Variants in ADAMTS18 observed in about 807,000 individuals in gnomAD.
ADAMTS18 encodes the protein ADAM metallopeptidase with thrombospondin type 1 motif 18, also known as A disintegrin and metalloproteinase with thrombospondin motifs 18.
ADAMTS18 carries 157 observed loss-of-function variants against 165.9 expected under a neutral mutation model. The ratio of observed to expected loss-of-function variants is 0.95; its 90% CI spans 0.83 to 1.08. ADAMTS18 has a LOEUF of 1.08. Among genes scored for constraint, ADAMTS18 ranks in the 50% least tolerant of loss-of-function variants. ADAMTS18 has a pLI of 0.00. For missense variants in ADAMTS18, 2,040 were observed against 1,534.0 expected (o/e 1.33, Z -5.51); for synonymous variants, 782 against 578.2 (o/e 1.35, Z -5.06).
chr16:77,302,174 AT>A (rs1473469841), intron 16 of ADAMTS18, among the ~76,000 whole-genome samples: 1 of 152,082 alleles, frequency 6.6e-6, no homozygotes, highest in African/African-American at 2.4e-5. Flanking sequence ...GTTTCTGTTA[AT>A]GTTTTCATCT....
At chr16:77,341,636 TACAA>T in intron 11 of ADAMTS18, 64 bp downstream of exon 11, 1 of 1,286,802 alleles carries the variant, frequency 7.8e-7, no homozygotes. Flanking sequence ...AAGGTCACAA[TACAA>T]ACAGTTTGAA....
Position 77,353,852 on chromosome 16 carries a change from T to G in ADAMTS18, c.1495A>C (p.Lys499Gln). ...GGATATTTATACTGTCCTGCTTGCTTGGGCTCATCCACTAGACACCCCGCC... is the reference window on the plus strand; with the variant it reads ...GGATATTTATACTGTCCTGCTTGCTGGGGCTCATCCACTAGACACCCCGCC... ...PQAGCLVDEP[K>Q]QAGQYKYPDK... The change falls in exon 10 of 23, where the codon AAG becomes CAG. Residue 499 changes from lysine to glutamine, a missense_variant. Coordinates refer to ENST00000282849, the MANE Select transcript of ADAMTS18 (RefSeq NM_199355.4). 1 of 1,614,178 alleles carries G rather than the reference T, an allele frequency of 6.2e-7. No individual in the cohort carries two copies. Among genetic ancestry groups the G allele is most frequent in the South Asian group, 1.1e-5 (1 of 91,084 alleles).
At chr16:77,284,735 C>T (rs1000501665) in intron 22 of ADAMTS18, among the ~76,000 whole-genome samples, 3 of 152,134 alleles carry the variant, frequency 2.0e-5, no homozygotes, top group Non-Finnish European at 2.9e-5. Context: ...GGGAAATACC[C>T]TAAAATGGTG....
chr16:77,290,497 G>A (rs1293869050), intron 21 of ADAMTS18: 1 of 152,260 alleles, frequency 6.6e-6, no homozygotes, highest in Non-Finnish European at 1.5e-5. Flanking sequence ...AGAAAATCAG[G>A]CTAATTTCCT....
chr16:77,318,316 T>C (rs952562268), intron 16 of ADAMTS18, among the ~76,000 whole-genome samples: 1 of 152,160 alleles, frequency 6.6e-6, no homozygotes, highest in Admixed American at 6.5e-5. Context: ...CATTTCACAA[T>C]GAGAAAAACC....
chr16:77,300,535 C>A, intron 16 of ADAMTS18, 131 bp from the exon 17 acceptor site: 1 of 1,049,618 alleles, frequency 9.5e-7, no homozygotes, highest in Non-Finnish European at 1.4e-6. Context: ...TCATTGTTCC[C>A]AAGTATGTTT....
At chr16:77,320,542 G>A (rs963246451) in intron 15 of ADAMTS18, among the ~76,000 whole-genome samples, 202 of 152,194 alleles carry the variant, frequency 1.3e-3, no homozygotes, top group African/African-American at 4.8e-3. Context: ...AAGAGGGTGA[G>A]GCAGGAGAAT....
Position 77,308,089 on chromosome 16 carries a change from T to C in ADAMTS18, c.2533-7685A>G, listed in dbSNP as rs36119598. ...GAGAAAGGCTGCTGTCGTTTTCAGCTTCAGGATTCTCCCTTATTACACTAG... is the reference window on the plus strand; with the variant it reads ...GAGAAAGGCTGCTGTCGTTTTCAGCCTCAGGATTCTCCCTTATTACACTAG... On this transcript the variant is annotated intron_variant, in intron 16 of 22. Transcript: ENST00000282849. Among the ~76,000 whole-genome samples the C allele has an allele frequency of 6.1e-3, 936 of 152,280 alleles. 3 individuals carry two copies. Among genetic ancestry groups the C allele is most frequent in the Non-Finnish European group, 8.8e-3 (598 of 68,026 alleles).
intron 12 of ADAMTS18, among the ~76,000 whole-genome samples, chr16:77,328,653 T>C (rs1056145579): frequency 1.3e-5 from 2 of 152,252 alleles, no homozygotes; most frequent in African/African-American, 4.8e-5. Context: ...TGCTATATCA[T>C]AGCCTCAATA....
chr16:77,380,819 G>C lies in ADAMTS18; in HGVS notation c.496-13096C>G, dbSNP rs186166301. 7.9e-5 allele frequency among the ~76,000 whole-genome samples: 12 copies of C among 152,058 alleles called. No individual in the cohort carries two copies. In the East Asian group the frequency reaches 2.3e-3, roughly 29 times the overall value. On this transcript the variant is annotated intron_variant, in intron 3 of 22. Transcript: ENST00000282849. ...CACCGCACATAGCATTTTATCTGCA[G>C]AATTTCAACTGACTCTCACTGCAGC...
At chr16:77,311,225 A>G (rs2055774207) in intron 16 of ADAMTS18, among the ~76,000 whole-genome samples, 1 of 152,234 alleles carries the variant, frequency 6.6e-6, no homozygotes, top group Admixed American at 6.5e-5. Flanking sequence ...GGTGGCCAAA[A>G]GAGATGGTGC....
At chr16:77,359,477 T>C (rs2056679821) in intron 7 of ADAMTS18, 54 bp from the exon 8 acceptor site, 26 of 1,445,106 alleles carry the variant, frequency 1.8e-5, no homozygotes, top group Non-Finnish European at 2.5e-5. Context: ...CACAGATACA[T>C]GATGATGATT....
intron 2 of ADAMTS18, 116 bp from the exon 3 acceptor site, chr16:77,431,727 C>T (rs2057743374): frequency 2.8e-6 from 3 of 1,070,816 alleles, no homozygotes; most frequent in Admixed American, 1.7e-5. Context: ...TTCCTATTGC[C>T]TTGCACCTAG....
intron 12 of ADAMTS18, among the ~76,000 whole-genome samples, chr16:77,328,434 G>C (rs1188273427): frequency 6.6e-6 from 1 of 152,172 alleles, no homozygotes; most frequent in African/African-American, 2.4e-5. Flanking sequence ...AGTTGCTTCA[G>C]CGTAATTAAT....
chr16:77,308,578 GAAAAA>G (rs58305642), intron 16 of ADAMTS18, among the ~76,000 whole-genome samples: 15 of 146,458 alleles, frequency 1.0e-4, no homozygotes, highest in Admixed American at 2.7e-4. Flanking sequence ...AGCTAATCAT[GAAAAA>G]AAAAAAAAAA....
Position 77,291,419 on chromosome 16 carries a change from G to T in ADAMTS18, c.3249C>A (p.Gly1083=). ...GGAAAGTTATCAGCTTTCCCTGGAA[G>T]CCCTTCTCGCTGCACTTCATCTCCC... ...RKREMKCSEK[G]FQGKLITFPE... Residue 1083 remains glycine (G), a synonymous_variant, in exon 21 of 23, where the codon GGC becomes GGA. Coordinates refer to ENST00000282849, the MANE Select transcript of ADAMTS18 (RefSeq NM_199355.4). 6.2e-7 allele frequency: 1 copy of T among 1,614,152 alleles called. No individual in the cohort carries two copies. The highest frequency in any genetic ancestry group is 8.5e-7 in the Non-Finnish European group (1 of 1,180,022).
intron 17 of ADAMTS18, among the ~76,000 whole-genome samples, chr16:77,297,683 T>C (rs968189563): frequency 6.6e-6 from 1 of 152,048 alleles, no homozygotes; most frequent in Non-Finnish European, 1.5e-5. Flanking sequence ...CATAAATTGA[T>C]AAATACAACC....
rs1348651345 is a variant in ADAMTS18, at chr16:77,282,658, T to A, written c.*1298A>T. On this transcript the variant is annotated 3_prime_UTR_variant, in exon 23 of 23. Transcript: ENST00000282849. ...GTAGAATTTATGTAAATATGCCCTT[T>A]ATAACCACTTCTCAAAAAATTACAG... The A allele has an allele frequency of 6.6e-6, 1 of 152,610 alleles. No individual in the cohort carries two copies. The highest frequency in any genetic ancestry group is 1.9e-4 in the East Asian group (1 of 5,198). 9.5% of individuals were successfully genotyped at this position (152,610 alleles called of 1,614,324 possible). A position where few individuals can be genotyped will look rare whatever the true frequency, so the allele number is the denominator to read the frequency against.
chr16:77,362,943 T>C (rs960503800), intron 6 of ADAMTS18, among the ~76,000 whole-genome samples: 2 of 152,202 alleles, frequency 1.3e-5, no homozygotes, highest in African/African-American at 4.8e-5. Flanking sequence ...CACACGCCTT[T>C]TCTGTCTTTC....
Sources: gnomAD v4.1 joint callset for allele counts (sites outside exome capture counted in the v4.1 genomes callset) on GRCh38, gnomAD v4.1.1 for gene constraint, MANE v1.5 for transcripts, NCBI Gene and HGNC (gene_info 2026-07-23, HGNC 2026-07-21) for gene names.